Variants in SMARCC1 observed in about 807,000 individuals in gnomAD.
SMARCC1 encodes SWI/SNF related BAF chromatin remodeling complex subunit C1, also known as SWI/SNF complex subunit SMARCC1.
A neutral mutation model predicts 147.4 loss-of-function variants in SMARCC1; 43 were observed. The ratio of observed to expected loss-of-function variants is 0.29; its 90% CI spans 0.23 to 0.38. SMARCC1 has a LOEUF of 0.38. SMARCC1 is among the 10% of genes least tolerant of loss of function. The probability of loss-of-function intolerance (pLI) is 1.00; values close to 1 mark genes in which losing one functional copy is unlikely to be tolerated. For synonymous variants in SMARCC1, 495 were observed against 484.4 expected, an observed-to-expected ratio of 1.02 and a Z score of -0.29; for missense variants, 1,119 against 1,381.1, an observed-to-expected ratio of 0.81 and a Z score of 3.01.
chr3:47,695,914 AAAAT>A (rs1559647510), intron 11 of SMARCC1, among the ~76,000 whole-genome samples: 4 of 125,972 alleles, frequency 3.2e-5, no homozygotes, highest in Non-Finnish European at 5.0e-5. Context: ...AAATACAAAA[AAAAT>A]CAGCCGGGCG....
intron 11 of SMARCC1, among the ~76,000 whole-genome samples, chr3:47,694,760 T>C (rs2033828123): frequency 6.6e-6 from 1 of 152,238 alleles, no homozygotes; most frequent in African/African-American, 2.4e-5. Context: ...AATAGTGATT[T>C]GAAGAACTTG....
chr3:47,673,446 G>A (rs974310269), intron 18 of SMARCC1, among the ~76,000 whole-genome samples: 10 of 141,182 alleles, frequency 7.1e-5, no homozygotes, highest in Non-Finnish European at 1.1e-4. Context: ...AGAGCACACC[G>A]GGAGGCCAAT....
In SMARCC1 at chr3:47,714,418, C is replaced by T; in HGVS notation, c.789G>A (p.Trp263Ter). The stretch of plus-strand genomic sequence containing the variant: ...TTTTTTTTGTTAAATCATTTACCTT[C>T]CATGGTTTTTCTGGAATTGGTGGAT... ...IEDPPIPEKPWKVHVKWILDT... is the reference protein window; with the variant it reads ...IEDPPIPEKP The change falls in exon 8 of 28, where the codon TGG becomes TGA. Residue 263 changes from tryptophan to a stop codon, truncating the protein, a stop_gained. Coordinates refer to ENST00000254480, the MANE Select transcript of SMARCC1 (RefSeq NM_003074.4). LOFTEE classifies it high-confidence loss of function. The T allele has an allele frequency of 6.4e-7, 1 of 1,566,146 alleles. No individual in the cohort carries two copies. The highest frequency in any genetic ancestry group is 2.2e-5 in the East Asian group (1 of 44,616).
chr3:47,658,661 C>G (rs2033295453), intron 21 of SMARCC1, among the ~76,000 whole-genome samples: 1 of 152,154 alleles, frequency 6.6e-6, no homozygotes, highest in Non-Finnish European at 1.5e-5. Context: ...TTTTGCTTAT[C>G]ACATATCAGA....
intron 7 of SMARCC1, among the ~76,000 whole-genome samples, chr3:47,716,658 T>A (rs1445184641): frequency 6.6e-6 from 1 of 152,242 alleles, no homozygotes; most frequent in Non-Finnish European, 1.5e-5. Context: ...TCTATACTTA[T>A]GTAGCTTGTC....
chr3:47,621,314 A>AG (rs1553675185), intron 25 of SMARCC1, among the ~76,000 whole-genome samples: 11 of 151,882 alleles, frequency 7.2e-5, no homozygotes, highest in African/African-American at 2.7e-4. Flanking sequence ...AAAAAAAAAA[A>AG]AAAAGAAAAG....
chr3:47,686,209 T>G, intron 13 of SMARCC1, 39 bp from the exon 14 acceptor site: 1 of 1,549,812 alleles, frequency 6.5e-7, no homozygotes, highest in Non-Finnish European at 8.9e-7. Context: ...AAGAAAGAAC[T>G]ACAGAGAGAG....
intron 21 of SMARCC1, among the ~76,000 whole-genome samples, chr3:47,651,444 TC>T (rs1279520083): frequency 5.1e-4 from 78 of 152,180 alleles, no homozygotes; most frequent in Non-Finnish European, 2.1e-4. Flanking sequence ...CCCCCACCAA[TC>T]GAGCTATTAT....
chr3:47,769,954 G>A (rs142634754), intron 2 of SMARCC1, among the ~76,000 whole-genome samples: 132 of 152,058 alleles, frequency 8.7e-4, no homozygotes, highest in African/African-American at 3.0e-3. Context: ...GGCCGGGCAC[G>A]GTGGCTCACG....
intron 21 of SMARCC1, among the ~76,000 whole-genome samples, chr3:47,652,548 G>C (rs2033202929): frequency 6.6e-6 from 1 of 150,948 alleles, no homozygotes; most frequent in Admixed American, 6.6e-5. Context: ...TTTGGGATTA[G>C]AGAGATTTAG....
At chr3:47,688,830 A>C (rs1219324800) in intron 13 of SMARCC1, among the ~76,000 whole-genome samples, 1 of 152,158 alleles carries the variant, frequency 6.6e-6, no homozygotes, top group Non-Finnish European at 1.5e-5. Flanking sequence ...CAACCAGGGG[A>C]GTATGAAACT....
At chr3:47,632,312 T>G (rs1024615357) in intron 24 of SMARCC1, among the ~76,000 whole-genome samples, 1 of 152,112 alleles carries the variant, frequency 6.6e-6, no homozygotes, top group African/African-American at 2.4e-5. Context: ...AAAAAAATTT[T>G]TTTTTTGTAG....
chr3:47,696,350 G>A (rs1032959230), intron 11 of SMARCC1, among the ~76,000 whole-genome samples: 2 of 151,696 alleles, frequency 1.3e-5, no homozygotes, highest in Admixed American at 6.6e-5. Context: ...CTCCAACCTC[G>A]GCAACAGAGC....
intron 21 of SMARCC1, among the ~76,000 whole-genome samples, chr3:47,645,646 G>C (rs2033109961): frequency 6.6e-6 from 1 of 152,154 alleles, no homozygotes; most frequent in Admixed American, 6.5e-5. Context: ...ATATGAATTA[G>C]GTCACCTTGA....
chr3:47,722,293 A>ATTTTTTTT lies in SMARCC1; in HGVS notation c.647-1566_647-1559dup, dbSNP rs34260316. ...CAGCTGACTTTTGATACAAATTTTG[A>ATTTTTTTT]TTTTTTTTTTTTTTTTTTTTTGAGA... On this transcript the variant is annotated intron_variant, in intron 6 of 27. Transcript: ENST00000254480. Among the ~76,000 whole-genome samples the ATTTTTTTT allele has an allele frequency of 7.0e-4, 75 of 107,026 alleles. 1 individual carries two copies. Among genetic ancestry groups the ATTTTTTTT allele is most frequent in the Non-Finnish European group, 9.5e-4 (53 of 55,550 alleles). The allele number at this position is 107,026 out of a possible 152,430, so 70.2% of individuals were successfully genotyped here.
intron 16 of SMARCC1, among the ~76,000 whole-genome samples, chr3:47,677,671 T>C (rs1290407100): frequency 1.3e-5 from 2 of 151,718 alleles, no homozygotes; most frequent in Non-Finnish European, 2.9e-5. Context: ...GCCTCCCCAA[T>C]AGCTAAGATT....
chr3:47,711,901 G>C (rs2034088303), intron 8 of SMARCC1, among the ~76,000 whole-genome samples: 1 of 152,192 alleles, frequency 6.6e-6, no homozygotes, highest in Non-Finnish European at 1.5e-5. Flanking sequence ...ATTATGGGAA[G>C]AGTGTATAAA....
At chr3:47,772,573 A>G (rs2034928117) in intron 2 of SMARCC1, among the ~76,000 whole-genome samples, 1 of 152,208 alleles carries the variant, frequency 6.6e-6, no homozygotes. Flanking sequence ...GAACTGCAAC[A>G]TAGTAAAATA....
chr3:47,701,599 A>C (rs2033918752), intron 10 of SMARCC1, 197 bp from the exon 11 acceptor site: 4 of 537,476 alleles, frequency 7.4e-6, no homozygotes, highest in Non-Finnish European at 1.3e-5. Flanking sequence ...TGGATCACTA[A>C]GGTCAGGAGT....
Sources: allele counts gnomAD v4.1 joint callset (sites outside exome capture counted in the v4.1 genomes callset), GRCh38; gene constraint gnomAD v4.1.1; transcripts MANE v1.5; gene names NCBI Gene and HGNC (gene_info 2026-07-23, HGNC 2026-07-21).